ADARB2: variants seen among roughly 807,000 people sequenced by gnomAD.
ADARB2 encodes adenosine deaminase RNA specific B2 (inactive), also known as inactive double-stranded RNA-specific editase B2.
ADARB2 carries 25 observed loss-of-function variants against 62.2 expected under a neutral mutation model. The observed-to-expected ratio is 0.40, with a 90% confidence interval of 0.29 to 0.56. The LOEUF (loss-of-function observed/expected upper bound fraction) is 0.56, where lower values mean the gene tolerates loss of function less well. ADARB2 is among the 20% of genes least tolerant of loss of function. ADARB2 has a pLI of 0.43. For synonymous variants in ADARB2, 572 were observed against 500.8 expected, an observed-to-expected ratio of 1.14 and a Z score of -1.90; for missense variants, 1,071 against 1,077.4, an observed-to-expected ratio of 0.99 and a Z score of 0.08.
intron 3 of ADARB2, among the ~76,000 whole-genome samples, chr10:1,333,892 A>G (rs945623750): frequency 6.6e-6 from 1 of 152,192 alleles, no homozygotes; most frequent in Non-Finnish European, 1.5e-5. Flanking sequence ...TTCCTTTGCT[A>G]CCCAGACTGA....
chr10:1,532,087 G>A (rs1588290417), intron 1 of ADARB2, among the ~76,000 whole-genome samples: 1 of 152,308 alleles, frequency 6.6e-6, no homozygotes, highest in South Asian at 2.1e-4. Context: ...TCCCCGAAGA[G>A]GTAATTATTG....
chr10:1,497,739 C>T (rs1466553660), intron 1 of ADARB2, among the ~76,000 whole-genome samples: 2 of 152,162 alleles, frequency 1.3e-5, no homozygotes, highest in Middle Eastern at 3.4e-3. Context: ...TTCTATTTTC[C>T]AATCATTTAT....
chr10:1,408,436 T>C (rs2131877104), intron 1 of ADARB2, among the ~76,000 whole-genome samples: 1 of 152,306 alleles, frequency 6.6e-6, no homozygotes, highest in Admixed American at 6.5e-5. Context: ...ACCACATCTA[T>C]GATGATCTTT....
chr10:1,536,246 G>A (rs143414425), intron 1 of ADARB2, among the ~76,000 whole-genome samples: 1,555 of 152,296 alleles, frequency 0.01, 22 homozygotes, highest in Non-Finnish European at 0.013. Context: ...GAAAGAGACC[G>A]GGCTCTTGCT....
At chr10:1,261,502 C>T (rs1481702803) in intron 4 of ADARB2, among the ~76,000 whole-genome samples, 4 of 150,370 alleles carry the variant, frequency 2.7e-5, no homozygotes, top group Non-Finnish European at 4.4e-5. Context: ...CATGAACAGA[C>T]ACTTCTCAAA....
intron 1 of ADARB2, among the ~76,000 whole-genome samples, chr10:1,524,257 G>T (rs1440152798): frequency 6.6e-6 from 1 of 152,184 alleles, no homozygotes; most frequent in Non-Finnish European, 1.5e-5. Context: ...AGGACTTTAT[G>T]ACTACTAAGC....
rs1331023397 is a variant in ADARB2 at position 1,179,755 on chromosome 10, G to A, written c.*3438C>T. ...TACAGAAAATCTGAAGCAAGGGTAT[G>A]AATACAGACCACAGAAAATCTGAAG... On this transcript the variant is annotated 3_prime_UTR_variant, in exon 10 of 10. Coordinates refer to ENST00000381312, the MANE Select transcript of ADARB2 (RefSeq NM_018702.4). 1.3e-5 allele frequency: 2 copies of A among 152,266 alleles called. No homozygotes were observed. Among genetic ancestry groups the A allele is most frequent in the Non-Finnish European group, 2.9e-5 (2 of 68,054 alleles). The allele number at this position is 152,266 out of a possible 1,614,324, so 9.4% of individuals were successfully genotyped here. A position where few individuals can be genotyped will look rare whatever the true frequency, so the allele number is the denominator to read the frequency against.
intron 1 of ADARB2, among the ~76,000 whole-genome samples, chr10:1,520,189 G>A (rs1415528873): frequency 6.6e-6 from 1 of 152,232 alleles, no homozygotes; most frequent in Admixed American, 6.5e-5. Flanking sequence ...TTTGCTTACA[G>A]ATTTTCATAT....
chr10:1,379,888 T>C (rs1159788816), intron 1 of ADARB2, among the ~76,000 whole-genome samples: 1 of 152,240 alleles, frequency 6.6e-6, no homozygotes, highest in Non-Finnish European at 1.5e-5. Context: ...GATGCCGCTC[T>C]TCACCAATAA....
intron 4 of ADARB2, among the ~76,000 whole-genome samples, chr10:1,250,135 T>C (rs1191329921): frequency 2.0e-5 from 3 of 151,466 alleles, no homozygotes; most frequent in East Asian, 1.9e-4. Flanking sequence ...CCTCTCTAAA[T>C]TGATTCATAA....
At chr10:1,698,435 C>T (rs1397667565) in intron 1 of ADARB2, among the ~76,000 whole-genome samples, 1 of 152,206 alleles carries the variant, frequency 6.6e-6, no homozygotes, top group East Asian at 1.9e-4. Flanking sequence ...GGGGGAGAGA[C>T]ATACGCTTCC....
chr10:1,291,567 A>G lies in ADARB2; in HGVS notation c.1078-20498T>C, dbSNP rs539558066. On this transcript the variant is annotated intron_variant, in intron 3 of 9. Coordinates refer to ENST00000381312, the MANE Select transcript of ADARB2 (RefSeq NM_018702.4). ...TCCTGCAATATTTTTGTTTATTTAC[A>G]TACCCGATGTCCCTGGTGGAGTGAA... is the stretch of plus-strand genomic sequence containing the variant. 2.0e-5 allele frequency: 3 copies of G among 152,346 alleles called. No homozygotes were observed. The East Asian group carries it at 5.8e-4, about 29-fold the overall frequency. 9.4% of individuals were successfully genotyped at this position (152,346 alleles called of 1,614,324 possible).
intron 1 of ADARB2, among the ~76,000 whole-genome samples, chr10:1,475,281 C>G (rs1831383831): frequency 6.6e-6 from 1 of 152,232 alleles, no homozygotes; most frequent in Admixed American, 6.5e-5. Context: ...AGAAAGGAAA[C>G]TTGACCGCAG....
At chr10:1,318,398 G>A (rs1831761276) in intron 3 of ADARB2, among the ~76,000 whole-genome samples, 1 of 152,090 alleles carries the variant, frequency 6.6e-6, no homozygotes, top group Non-Finnish European at 1.5e-5. Context: ...ATGCAGGAGT[G>A]AGAGAGATCA....
Position 1,390,295 on chromosome 10 carries a change from G to T in ADARB2, c.101-11135C>A, listed in dbSNP as rs188867595. Among the ~76,000 whole-genome samples, 19 of 152,360 alleles carry T rather than the reference G, an allele frequency of 1.2e-4. No homozygotes were observed. The East Asian group carries it at 3.5e-3, about 28-fold the overall frequency. ...GAGAAAGCAGAGCATGGGCATCTCT[G>T]AAGGGTGCTTGTAGATTGTGGGGAA... On this transcript the variant is annotated intron_variant, in intron 1 of 9. Transcript: ENST00000381312.
At chr10:1,663,494 G>GT (rs1834275170) in intron 1 of ADARB2, among the ~76,000 whole-genome samples, 1 of 152,110 alleles carries the variant, frequency 6.6e-6, no homozygotes, top group African/African-American at 2.4e-5. Flanking sequence ...TGTCCGCGTA[G>GT]TTTCGCTCTT....
chr10:1,450,816 A>G (rs1208212326), intron 1 of ADARB2, among the ~76,000 whole-genome samples: 2 of 152,136 alleles, frequency 1.3e-5, no homozygotes, highest in Non-Finnish European at 2.9e-5. Context: ...TGAAAACCCA[A>G]GATTTGGGGT....
chr10:1,609,976 T>C (rs1833547124), intron 1 of ADARB2, among the ~76,000 whole-genome samples: 2 of 152,230 alleles, frequency 1.3e-5, no homozygotes, highest in Admixed American at 1.3e-4. Context: ...ATAATTTTGT[T>C]TTCAGCTATT....
intron 1 of ADARB2, among the ~76,000 whole-genome samples, chr10:1,448,942 C>G (rs1831003752): frequency 6.6e-6 from 1 of 152,182 alleles, no homozygotes; most frequent in African/African-American, 2.4e-5. Context: ...AGCATGACCA[C>G]CCTGTGCACA....
Sources: allele counts gnomAD v4.1 joint callset (sites outside exome capture counted in the v4.1 genomes callset), GRCh38; gene constraint gnomAD v4.1.1; transcripts MANE v1.5; gene names NCBI Gene and HGNC (gene_info 2026-07-23, HGNC 2026-07-21).